The following CORIN variants were observed in gnomAD, a reference collection of about 807,000 sequenced individuals.
CORIN encodes the protein atrial natriuretic peptide-converting enzyme.
Under a neutral mutation model 125.3 loss-of-function variants are expected in CORIN, and 117 were observed. That is an observed-to-expected ratio of 0.93 (90% confidence interval 0.80 to 1.09). The LOEUF (loss-of-function observed/expected upper bound fraction) is 1.09. Ranked by LOEUF, CORIN falls within the 50% of genes least tolerant of loss-of-function variation. CORIN has a pLI of 0.00. For missense variants in CORIN, 1,253 were observed against 1,306.7 expected, an observed-to-expected ratio of 0.96 and a Z score of 0.63; for synonymous variants, 450 against 466.4, an observed-to-expected ratio of 0.96 and a Z score of 0.45.
At position 47,609,356 on chromosome 4, in the gene CORIN, C is replaced by A. The variant is rs1334621461; in HGVS notation, c.2541-5688G>T. 3.3e-5 allele frequency among the ~76,000 whole-genome samples: 5 copies of A among 152,184 alleles called. No individual in the cohort carries two copies. In the East Asian group the frequency reaches 9.6e-4, roughly 29 times the overall value. On this transcript the variant is annotated intron_variant, in intron 19 of 21. Coordinates refer to ENST00000273857, the MANE Select transcript of CORIN (RefSeq NM_006587.4). Reference sequence around the variant, plus strand: ...AGAGGTTCAAGCGATTCTCCTGCCTCAGCCTCCTAAGTAGTTGGGATTACA... The same window carrying A: ...AGAGGTTCAAGCGATTCTCCTGCCTAAGCCTCCTAAGTAGTTGGGATTACA...
intron 5 of CORIN, among the ~76,000 whole-genome samples, 185 bp downstream of exon 5, chr4:47,744,217 C>T (rs752241689): frequency 2.6e-5 from 4 of 151,880 alleles, no homozygotes; most frequent in Non-Finnish European, 5.9e-5. Context: ...TGACAGGCAG[C>T]GGGCTTGAAG....
intron 10 of CORIN, among the ~76,000 whole-genome samples, chr4:47,667,796 G>A (rs146657636): frequency 6.6e-6 from 1 of 152,306 alleles, no homozygotes; most frequent in East Asian, 1.9e-4. Flanking sequence ...TTTGGGGTTG[G>A]TCGGTTCAGT....
intron 12 of CORIN, among the ~76,000 whole-genome samples, chr4:47,657,404 G>A (rs758642875): frequency 5.3e-5 from 8 of 151,682 alleles, no homozygotes; most frequent in Admixed American, 1.3e-4. Flanking sequence ...GCATGATGGC[G>A]AGCACCTATA....
At chr4:47,753,006 C>T (rs763856415) in intron 4 of CORIN, among the ~76,000 whole-genome samples, 3 of 152,148 alleles carry the variant, frequency 2.0e-5, no homozygotes, top group Non-Finnish European at 2.9e-5. Flanking sequence ...ACATAATTAT[C>T]GGGGGAACCA....
At chr4:47,613,725 G>C (rs1481783752) in intron 19 of CORIN, among the ~76,000 whole-genome samples, 2 of 147,540 alleles carry the variant, frequency 1.4e-5, no homozygotes, top group African/African-American at 5.0e-5. Context: ...ACCAAACACC[G>C]CATGTTCTCA....
chr4:47,637,824 A>G (rs555729506), intron 16 of CORIN, among the ~76,000 whole-genome samples: 1 of 152,214 alleles, frequency 6.6e-6, no homozygotes, highest in Non-Finnish European at 1.5e-5. Context: ...AAGAATCCCT[A>G]CTAGGGCATT....
intron 6 of CORIN, among the ~76,000 whole-genome samples, chr4:47,685,292 A>G (rs1027808948): frequency 6.6e-6 from 1 of 152,224 alleles, no homozygotes; most frequent in African/African-American, 2.4e-5. Context: ...GAATGGACAA[A>G]CAAAACGTAA....
At chr4:47,837,520 ACTAGATG>A (rs1445994178) in intron 1 of CORIN, 1 of 369,928 alleles carries the variant, frequency 2.7e-6, no homozygotes, top group Admixed American at 4.6e-5. Context: ...AGCCAAGTCC[ACTAGATG>A]CTTGGAGGGC....
chr4:47,812,559 T>C (rs1001629361), intron 1 of CORIN, among the ~76,000 whole-genome samples: 1 of 152,106 alleles, frequency 6.6e-6, no homozygotes, highest in Admixed American at 6.6e-5. Context: ...AGGAAAGCAC[T>C]AGTTTCAGAA....
At chr4:47,793,962 CA>C (rs376847440) in intron 2 of CORIN, among the ~76,000 whole-genome samples, 142 of 152,194 alleles carry the variant, frequency 9.3e-4, no homozygotes, top group African/African-American at 3.4e-3. Flanking sequence ...TTTAGACTAC[CA>C]TTTCAAAAAG....
intron 3 of CORIN, among the ~76,000 whole-genome samples, chr4:47,783,655 G>C (rs978052587): frequency 6.6e-6 from 1 of 152,048 alleles, no homozygotes; most frequent in African/African-American, 2.4e-5. Flanking sequence ...TAATAAAAGA[G>C]GAGGATAAAA....
In CORIN at chr4:47,650,382, AC is replaced by A. The variant is rs531827125; in HGVS notation, c.1843+3170del. ...TTTATTTTGACAGTCGATATAAAGC[AC>A]CTGTTGTAGCTATATTTTCATGTGA... On this transcript the variant is annotated intron_variant, in intron 13 of 21. Transcript: ENST00000273857. Among the ~76,000 whole-genome samples, 24 of 152,302 alleles carry A rather than the reference AC, an allele frequency of 1.6e-4. No individual in the cohort carries two copies. In the South Asian group the frequency reaches 5.0e-3, roughly 32 times the overall value.
At chr4:47,617,068 T>A (rs1722092425) in intron 19 of CORIN, among the ~76,000 whole-genome samples, 1 of 152,178 alleles carries the variant, frequency 6.6e-6, no homozygotes, top group Non-Finnish European at 1.5e-5. Flanking sequence ...AAAGACATGA[T>A]GGCATCTATT....
chr4:47,634,371 C>T (rs1304292386), intron 16 of CORIN, among the ~76,000 whole-genome samples: 3 of 152,240 alleles, frequency 2.0e-5, no homozygotes, highest in Admixed American at 2.0e-4. Context: ...GTGTGGCTCA[C>T]GCCTGTAATC....
intron 16 of CORIN, among the ~76,000 whole-genome samples, chr4:47,635,913 G>T (rs1239826500): frequency 6.6e-6 from 1 of 152,088 alleles, no homozygotes; most frequent in Non-Finnish European, 1.5e-5. Flanking sequence ...GCCCTCTTTG[G>T]TCAACTCCTG....
chr4:47,648,900 C>G (rs551306963), intron 13 of CORIN, among the ~76,000 whole-genome samples: 37 of 152,144 alleles, frequency 2.4e-4, no homozygotes, highest in Non-Finnish European at 4.3e-4. Context: ...AGAGTACAGG[C>G]CTAACAGGTG....
intron 4 of CORIN, among the ~76,000 whole-genome samples, chr4:47,752,453 T>C (rs1309522151): frequency 6.6e-6 from 1 of 152,124 alleles, no homozygotes; most frequent in Non-Finnish European, 1.5e-5. Context: ...AGTAGCAAAG[T>C]TGGGAGGAGA....
intron 13 of CORIN, among the ~76,000 whole-genome samples, chr4:47,651,898 A>T (rs969342180): frequency 1.3e-5 from 2 of 152,170 alleles, no homozygotes; most frequent in African/African-American, 4.8e-5. Context: ...GTCTTGGTAA[A>T]GTTGTTTTGT....
At chr4:47,797,010 T>C (rs952104080) in intron 2 of CORIN, among the ~76,000 whole-genome samples, 3 of 151,970 alleles carry the variant, frequency 2.0e-5, no homozygotes, top group African/African-American at 7.2e-5. Flanking sequence ...TCCCTCACTG[T>C]GGAGTCCCTG....
Sources: gnomAD v4.1 joint callset for allele counts (sites outside exome capture counted in the v4.1 genomes callset) on GRCh38, gnomAD v4.1.1 for gene constraint, MANE v1.5 for transcripts, NCBI Gene and HGNC (gene_info 2026-07-23, HGNC 2026-07-21) for gene names.